CPNE4: variants seen among roughly 807,000 people sequenced by gnomAD.
CPNE4 encodes copine-4.
In CPNE4, 25 loss-of-function variants were observed where a neutral mutation model predicts 67.9. The observed-to-expected ratio is 0.37, with a 90% CI of 0.27 to 0.51. The LOEUF is 0.51. Ranked by LOEUF, CPNE4 falls within the 20% of genes least tolerant of loss-of-function variation. CPNE4 has a pLI of 0.93. For synonymous variants in CPNE4, 242 were observed against 244.9 expected, an observed-to-expected ratio of 0.99 and a Z score of 0.11; for missense variants, 464 against 690.8, an observed-to-expected ratio of 0.67 and a Z score of 3.68.
At chr3:131,991,899 T>G (rs1405527211) in intron 1 of CPNE4, among the ~76,000 whole-genome samples, 1 of 136,240 alleles carries the variant, frequency 7.3e-6, no homozygotes, top group Non-Finnish European at 1.7e-5. Flanking sequence ...GGCTGTGGCT[T>G]CAGAGGGTGA....
At chr3:131,693,164 C>T (rs1309615527) in intron 5 of CPNE4, among the ~76,000 whole-genome samples, 1 of 152,098 alleles carries the variant, frequency 6.6e-6, no homozygotes, top group East Asian at 1.9e-4. Flanking sequence ...AAGAATGGTG[C>T]ATTTCTCTGT....
At chr3:131,587,347 T>C in intron 8 of CPNE4, 137 bp downstream of exon 8, 1 of 635,788 alleles carries the variant, frequency 1.6e-6, no homozygotes, top group Non-Finnish European at 2.9e-6. Flanking sequence ...ATCTAGATAC[T>C]CACATCCTAC....
intron 2 of CPNE4, among the ~76,000 whole-genome samples, chr3:131,814,125 G>A (rs1246572978): frequency 2.6e-5 from 4 of 152,104 alleles, no homozygotes; most frequent in African/African-American, 4.8e-5. Flanking sequence ...GGCATCTAAG[G>A]GTATCTGCTA....
chr3:131,842,524 T>A (rs1248582693), intron 2 of CPNE4, among the ~76,000 whole-genome samples: 1 of 152,124 alleles, frequency 6.6e-6, no homozygotes, highest in Non-Finnish European at 1.5e-5. Context: ...GGGAAATTCC[T>A]TGAGAGGGGA....
intron 7 of CPNE4, among the ~76,000 whole-genome samples, chr3:131,593,757 G>T (rs957613392): frequency 1.3e-5 from 2 of 152,098 alleles, no homozygotes; most frequent in Non-Finnish European, 2.9e-5. Context: ...CTTTTGCCAG[G>T]CTGGAGTGCA....
Position 131,601,819 on chromosome 3 carries a change from C to T in CPNE4, c.682-14237G>A, listed in dbSNP as rs143819112. The stretch of plus-strand genomic sequence containing the variant: ...TCTCAAAGCACTTCTCTATAGGACT[C>T]GTGCTATGCTTTGGTGAATGCCCTA... On this transcript the variant is annotated intron_variant, in intron 7 of 15. Coordinates refer to ENST00000429747, the MANE Select transcript of CPNE4 (RefSeq NM_130808.3). Among the ~76,000 whole-genome samples, 503 of 152,202 alleles carry T rather than the reference C, an allele frequency of 3.3e-3. 2 individuals carry two copies. The highest frequency in any genetic ancestry group is 0.011 in the African/African-American group (462 of 41,528).
chr3:131,594,056 G>A (rs1264462229), intron 7 of CPNE4, among the ~76,000 whole-genome samples: 2 of 152,052 alleles, frequency 1.3e-5, no homozygotes, highest in Admixed American at 6.6e-5. Flanking sequence ...TGATGAGAGT[G>A]GGCATACTTG....
chr3:131,824,869 G>A (rs1227789241), intron 2 of CPNE4, among the ~76,000 whole-genome samples: 1 of 152,032 alleles, frequency 6.6e-6, no homozygotes, highest in Non-Finnish European at 1.5e-5. Context: ...AAATGGGCTT[G>A]ATATTCCTGA....
At chr3:131,958,525 A>G (rs903483248) in intron 1 of CPNE4, among the ~76,000 whole-genome samples, 12 of 151,948 alleles carry the variant, frequency 7.9e-5, no homozygotes, top group South Asian at 4.1e-4. Context: ...AGACTCTTTT[A>G]AATCAGAGAC....
At chr3:131,618,911 G>T (rs931320143) in intron 7 of CPNE4, among the ~76,000 whole-genome samples, 1 of 152,136 alleles carries the variant, frequency 6.6e-6, no homozygotes, top group Non-Finnish European at 1.5e-5. Flanking sequence ...TATTCCTGGG[G>T]TGTTAGTCTA....
At chr3:131,638,262 A>ACC (rs1560026749) in intron 7 of CPNE4, among the ~76,000 whole-genome samples, 2 of 151,938 alleles carry the variant, frequency 1.3e-5, no homozygotes, top group African/African-American at 4.8e-5. Context: ...ATGGATAAGA[A>ACC]TTCACCAACC....
At chr3:131,625,470 C>T (rs1471243768) in intron 7 of CPNE4, among the ~76,000 whole-genome samples, 1 of 152,074 alleles carries the variant, frequency 6.6e-6, no homozygotes, top group Non-Finnish European at 1.5e-5. Flanking sequence ...TATAGATTTA[C>T]CCTTTGAGGG....
intron 1 of CPNE4, among the ~76,000 whole-genome samples, chr3:131,937,372 C>A (rs1042572249): frequency 6.6e-6 from 1 of 152,104 alleles, no homozygotes; most frequent in Admixed American, 6.6e-5. Flanking sequence ...GCAACACTTG[C>A]AAGGTTTTCA....
At chr3:131,636,795 C>T (rs1214540966) in intron 7 of CPNE4, among the ~76,000 whole-genome samples, 1 of 152,176 alleles carries the variant, frequency 6.6e-6, no homozygotes, top group Non-Finnish European at 1.5e-5. Context: ...CTTCTCTCCC[C>T]TGCTACCTCC....
At chr3:131,568,800 T>C (rs1937188779) in intron 10 of CPNE4, among the ~76,000 whole-genome samples, 1 of 152,056 alleles carries the variant, frequency 6.6e-6, no homozygotes, top group Non-Finnish European at 1.5e-5. Context: ...ACCCCACTCC[T>C]CAGATCCCTT....
intron 2 of CPNE4, among the ~76,000 whole-genome samples, chr3:131,782,554 C>T (rs1032426004): frequency 1.1e-4 from 17 of 151,808 alleles, no homozygotes; most frequent in Non-Finnish European, 1.5e-5. Context: ...GAAGATTAAT[C>T]TTATTTCAAA....
chr3:131,822,877 AC>A (rs1298867074), intron 2 of CPNE4, among the ~76,000 whole-genome samples: 3 of 152,044 alleles, frequency 2.0e-5, no homozygotes, highest in African/African-American at 7.2e-5. Context: ...TTGCTCTGTC[AC>A]CCAGGCTGGA....
intron 7 of CPNE4, among the ~76,000 whole-genome samples, chr3:131,596,023 T>C (rs1604574): frequency 0.13 from 19,077 of 152,140 alleles, 1,567 homozygotes; most frequent in African/African-American, 0.23. Flanking sequence ...TATAAAGTTT[T>C]AGTCATGTTA....
At chr3:131,708,442 A>G (rs751353188) in intron 3 of CPNE4, among the ~76,000 whole-genome samples, 25 of 152,156 alleles carry the variant, frequency 1.6e-4, no homozygotes, top group Non-Finnish European at 2.9e-4. Flanking sequence ...AAGAGTCCTG[A>G]GCTAAGAGTC....
Sources: allele counts gnomAD v4.1 joint callset (sites outside exome capture counted in the v4.1 genomes callset), GRCh38; gene constraint gnomAD v4.1.1; transcripts MANE v1.5; gene names NCBI Gene and HGNC (gene_info 2026-07-23, HGNC 2026-07-21).